TNKS: variants seen among roughly 807,000 people sequenced by gnomAD.
TNKS encodes the protein poly [ADP-ribose] polymerase tankyrase-1.
In TNKS, 72 loss-of-function variants were observed where a neutral mutation model predicts 135.8. The ratio of observed to expected loss-of-function variants is 0.53; its 90% CI spans 0.44 to 0.64. The LOEUF (loss-of-function observed/expected upper bound fraction) is 0.64, where lower values mean the gene tolerates loss of function less well. TNKS is among the 30% of genes least tolerant of loss of function. TNKS has a pLI of 0.00. For synonymous variants in TNKS, 849 were observed against 649.3 expected, an observed-to-expected ratio of 1.31 and a Z score of -4.68; for missense variants, 1,769 against 1,674.0, an observed-to-expected ratio of 1.06 and a Z score of -0.99.
intron 2 of TNKS, among the ~76,000 whole-genome samples, chr8:9,613,659 A>T (rs1196756498): frequency 6.6e-6 from 1 of 152,214 alleles, no homozygotes; most frequent in Non-Finnish European, 1.5e-5. Flanking sequence ...TGGCCCAAAC[A>T]TATTTAGAAA....
chr8:9,731,100 T>G, intron 14 of TNKS, 65 bp downstream of exon 14: 5 of 1,435,650 alleles, frequency 3.5e-6, no homozygotes, highest in Non-Finnish European at 3.7e-6. Context: ...TAAAATATTT[T>G]TGAAGTCTTA....
intron 11 of TNKS, among the ~76,000 whole-genome samples, chr8:9,719,183 G>T (rs75728252): frequency 6.6e-6 from 1 of 152,074 alleles, no homozygotes; most frequent in Non-Finnish European, 1.5e-5. Flanking sequence ...TGGGAGTTTT[G>T]TGAAAGACCA....
intron 12 of TNKS, among the ~76,000 whole-genome samples, chr8:9,725,276 G>C (rs1053092662): frequency 8.5e-5 from 13 of 152,124 alleles, no homozygotes; most frequent in Admixed American, 6.5e-5. Context: ...GTGTGAAAAG[G>C]AATATAAAGA....
chr8:9,771,281 GAGGA>G (rs1245300402), intron 26 of TNKS, among the ~76,000 whole-genome samples: 4 of 137,118 alleles, frequency 2.9e-5, no homozygotes, highest in Non-Finnish European at 6.3e-5. Context: ...AAGAGAGAGC[GAGGA>G]AGGGAGGGAG....
intron 20 of TNKS, among the ~76,000 whole-genome samples, chr8:9,757,079 C>G (rs1049756160): frequency 1.3e-5 from 2 of 152,146 alleles, no homozygotes; most frequent in Non-Finnish European, 2.9e-5. Flanking sequence ...CAGGTTCACA[C>G]GATTCTCTTG....
At chr8:9,623,824 A>G (rs945158754) in intron 3 of TNKS, among the ~76,000 whole-genome samples, 3 of 152,126 alleles carry the variant, frequency 2.0e-5, no homozygotes, top group African/African-American at 7.2e-5. Context: ...CAACATGGTG[A>G]AACCCCGTCT....
intron 11 of TNKS, chr8:9,710,527 G>A (rs1011900014): frequency 2.8e-5 from 14 of 494,292 alleles, no homozygotes; most frequent in Non-Finnish European, 5.0e-5. Context: ...TATTTTGATA[G>A]TGTCCACTTG....
intron 26 of TNKS, chr8:9,772,260 G>C: frequency 2.5e-6 from 1 of 405,154 alleles, no homozygotes; most frequent in South Asian, 1.8e-5. Flanking sequence ...TTCAAAGGGG[G>C]CTGGGGGGAG....
At position 9,575,514 on chromosome 8, in the gene TNKS, A is replaced by G. The variant is rs1350878557; in HGVS notation, c.674-4645A>G. The G allele has an allele frequency of 5.6e-6, 4 of 714,466 alleles. No homozygotes were observed. In the East Asian group the frequency reaches 5.3e-4, roughly 94 times the overall value. The allele number at this position is 714,466 out of a possible 1,614,324, so 44.3% of individuals were successfully genotyped here. On this transcript the variant is annotated intron_variant, in intron 1 of 26. Transcript: ENST00000310430. ...AGGAAAAATAAAAATAAAAATTTCAACTCACACCATAGTTACAAGTTATTT... is the reference window on the plus strand; with the variant it reads ...AGGAAAAATAAAAATAAAAATTTCAGCTCACACCATAGTTACAAGTTATTT...
intron 3 of TNKS, among the ~76,000 whole-genome samples, chr8:9,637,252 C>G (rs35289093): frequency 1.3e-5 from 2 of 152,146 alleles, no homozygotes; most frequent in African/African-American, 4.8e-5. Flanking sequence ...TGTGGATTAT[C>G]AGAACTTTGT....
intron 9 of TNKS, among the ~76,000 whole-genome samples, 176 bp downstream of exon 9, chr8:9,708,668 G>A (rs1050703103): frequency 1.3e-5 from 2 of 151,946 alleles, no homozygotes; most frequent in Non-Finnish European, 2.9e-5. Context: ...TCTTTTCATG[G>A]GTGAGAGAAT....
At chr8:9,662,512 G>A (rs576998203) in intron 3 of TNKS, among the ~76,000 whole-genome samples, 34 of 152,048 alleles carry the variant, frequency 2.2e-4, no homozygotes, top group South Asian at 6.2e-4. Context: ...ACCAAACACC[G>A]TATGTTCTGA....
At chr8:9,726,504 A>T in intron 12 of TNKS, 137 bp from the exon 13 acceptor site, 1 of 595,504 alleles carries the variant, frequency 1.7e-6, no homozygotes, top group Non-Finnish European at 2.9e-6. Context: ...TACAACATTT[A>T]GTAAAACCAA....
chr8:9,598,705 A>ATGTGTGTGTGTG lies in TNKS; in HGVS notation c.899-16859_899-16848dup, dbSNP rs376761155. ...CACAGAGCAAGACCTTGTCTAAAAT[A>ATGTGTGTGTGTG]TGTGTGTGTGTGTGTGTGTGTGTGT... On this transcript the variant is annotated intron_variant, in intron 2 of 26. Coordinates refer to ENST00000310430, the MANE Select transcript of TNKS (RefSeq NM_003747.3). Among the ~76,000 whole-genome samples, 45 of 108,214 alleles carry ATGTGTGTGTGTG rather than the reference A, an allele frequency of 4.2e-4. 1 individual carries two copies. Among genetic ancestry groups the ATGTGTGTGTGTG allele is most frequent in the African/African-American group, 1.3e-3 (37 of 29,316 alleles). The allele number at this position is 108,214 out of a possible 152,430, so 71.0% of individuals were successfully genotyped here.
intron 11 of TNKS, among the ~76,000 whole-genome samples, chr8:9,719,752 G>T (rs1306818784): frequency 6.6e-6 from 1 of 152,178 alleles, no homozygotes; most frequent in Non-Finnish European, 1.5e-5. Flanking sequence ...CATGATGCCA[G>T]TGTTTCACAT....
rs1025545005 is a variant in TNKS at position 9,752,844 on chromosome 8, T to C, written c.3153+218T>C. Reference sequence around the variant, plus strand: ...AGCATGGTGACTTACTGGGCCCCTGTAGTGCTAGCTGCTGGGAAGCTGAAG... The same window carrying C: ...AGCATGGTGACTTACTGGGCCCCTGCAGTGCTAGCTGCTGGGAAGCTGAAG... On this transcript the variant is annotated intron_variant, in intron 20 of 26. Transcript: ENST00000310430. Among the ~76,000 whole-genome samples the C allele has an allele frequency of 5.9e-5, 9 of 151,598 alleles. 1 individual carries two copies. Among genetic ancestry groups the C allele is most frequent in the Non-Finnish European group, 7.4e-5 (5 of 67,962 alleles).
chr8:9,759,203 T>A (rs940229245), intron 20 of TNKS, among the ~76,000 whole-genome samples: 2 of 152,038 alleles, frequency 1.3e-5, no homozygotes, highest in East Asian at 3.9e-4. Flanking sequence ...TGTAAGGAGG[T>A]GGGAATCATT....
rs770450915 is a variant in TNKS, at chr8:9,556,139, A to C, written c.200A>C (p.Glu67Ala). 6.2e-7 allele frequency: 1 copy of C among 1,607,258 alleles called. No homozygotes were observed. Among genetic ancestry groups the C allele is most frequent in the East Asian group, 2.2e-5 (1 of 44,756 alleles). ...ASPRHGLALP[E>A]GDGSRDPPDR... ...CCGCGGCACGGCCTAGCGCTGCCGG[A>C]GGGGGATGGCAGTCGGGATCCGCCC... is the stretch of plus-strand genomic sequence containing the variant. Residue 67 changes from glutamate to alanine, a missense_variant, in exon 1 of 27, where the codon GAG becomes GCG. Around this residue, in one of 5 missense-constraint regions of TNKS, gnomAD observed 450 missense variants for 304.9 expected, o/e 1.48. Transcript: ENST00000310430.
At chr8:9,676,267 C>T (rs1051696640) in intron 3 of TNKS, among the ~76,000 whole-genome samples, 5 of 152,000 alleles carry the variant, frequency 3.3e-5, no homozygotes, top group Admixed American at 2.0e-4. Flanking sequence ...CCTGCTTTGG[C>T]CTCCCAGTGT....
Sources: gnomAD v4.1 joint callset for allele counts (sites outside exome capture counted in the v4.1 genomes callset) on GRCh38, gnomAD v4.1.1 for gene constraint, gnomAD v4.1.1 regional missense constraint, MANE v1.5 for transcripts, NCBI Gene and HGNC (gene_info 2026-07-23, HGNC 2026-07-21) for gene names.